The following GALNT17 variants were observed in gnomAD, a reference collection of about 807,000 sequenced individuals.
The protein encoded by GALNT17 is UDP-GalNAc:polypeptide N-acetylgalactosaminyltransferase-like 3.
GALNT17 carries 29 observed loss-of-function variants against 63.7 expected under a neutral mutation model. The ratio of observed to expected loss-of-function variants is 0.46; its 90% CI spans 0.34 to 0.62. The LOEUF (loss-of-function observed/expected upper bound fraction) is 0.62, where lower values mean the gene tolerates loss of function less well. Among genes scored for constraint, GALNT17 ranks in the 20% least tolerant of loss-of-function variants. The pLI, the probability that GALNT17 is intolerant of heterozygous loss-of-function variation, is 0.01. For synonymous variants in GALNT17, 305 were observed against 318.3 expected, an observed-to-expected ratio of 0.96 and a Z score of 0.45; for missense variants, 603 against 799.6, an observed-to-expected ratio of 0.75 and a Z score of 2.97.
intron 9 of GALNT17, among the ~76,000 whole-genome samples, chr7:71,701,879 ATG>A (rs1418961158): frequency 2.4e-5 from 2 of 82,074 alleles, no homozygotes; most frequent in African/African-American, 8.5e-5. Context: ...ACATATATAT[ATG>A]TATATATATA....
At chr7:71,554,208 G>A (rs747115950) in intron 5 of GALNT17, among the ~76,000 whole-genome samples, 3 of 152,188 alleles carry the variant, frequency 2.0e-5, no homozygotes, top group African/African-American at 4.8e-5. Flanking sequence ...CCTGTGTGTC[G>A]TGGGAGGGAC....
chr7:71,477,804 G>A (rs1787749721), intron 5 of GALNT17, among the ~76,000 whole-genome samples: 1 of 152,206 alleles, frequency 6.6e-6, no homozygotes, highest in Non-Finnish European at 1.5e-5. Flanking sequence ...TGCCTCTGGT[G>A]CCTAAGCCCA....
At chr7:71,658,425 G>A (rs552533183) in intron 6 of GALNT17, among the ~76,000 whole-genome samples, 1 of 152,316 alleles carries the variant, frequency 6.6e-6, no homozygotes, top group Non-Finnish European at 1.5e-5. Flanking sequence ...AGAGTCTTGT[G>A]ATGGTTTCTT....
chr7:71,535,372 C>T (rs1378778885), intron 5 of GALNT17, among the ~76,000 whole-genome samples: 1 of 152,134 alleles, frequency 6.6e-6, no homozygotes, highest in South Asian at 2.1e-4. Flanking sequence ...GCTGCATCTG[C>T]CTTCTGGATC....
intron 1 of GALNT17, among the ~76,000 whole-genome samples, chr7:71,297,059 C>G (rs1791094823): frequency 6.6e-6 from 1 of 152,202 alleles, no homozygotes; most frequent in Non-Finnish European, 1.5e-5. Flanking sequence ...TTGCTTAAGC[C>G]TTTTCTTAAG....
chr7:71,551,217 T>C (rs1041564641), intron 5 of GALNT17, among the ~76,000 whole-genome samples: 2 of 152,204 alleles, frequency 1.3e-5, no homozygotes, highest in Non-Finnish European at 2.9e-5. Context: ...TAATGCTCTC[T>C]TCAGCTGTGT....
chr7:71,346,614 G>A (rs17367019), intron 2 of GALNT17, among the ~76,000 whole-genome samples: 2,158 of 152,106 alleles, frequency 0.014, 26 homozygotes, highest in Middle Eastern at 0.027. Flanking sequence ...GTCTGTGGAC[G>A]TCCCCACATC....
intron 1 of GALNT17, among the ~76,000 whole-genome samples, chr7:71,230,827 A>G (rs558994817): frequency 2.2e-4 from 34 of 152,258 alleles, no homozygotes; most frequent in African/African-American, 8.2e-4. Flanking sequence ...GATAGAGCAC[A>G]TGAGACAGTG....
intron 8 of GALNT17, among the ~76,000 whole-genome samples, chr7:71,673,091 T>G (rs1306239867): frequency 6.6e-6 from 1 of 152,126 alleles, no homozygotes; most frequent in African/African-American, 2.4e-5. Flanking sequence ...AAAAATCATA[T>G]CTTCTGTGAG....
intron 2 of GALNT17, among the ~76,000 whole-genome samples, chr7:71,353,180 G>A (rs138406506): frequency 6.6e-6 from 1 of 151,980 alleles, no homozygotes; most frequent in Admixed American, 6.6e-5. Context: ...AAAGTTGCAA[G>A]AATACTACAA....
intron 9 of GALNT17, among the ~76,000 whole-genome samples, chr7:71,680,487 CCTCCCTCCCTCT>C (rs1385491584): frequency 4.3e-3 from 383 of 89,296 alleles, no homozygotes; most frequent in African/African-American, 6.7e-3. Context: ...TCTCTCCCTT[CCTCCCTCCCTCT>C]CTCCCTTCCT....
At chr7:71,613,651 G>C (rs934812288) in intron 6 of GALNT17, among the ~76,000 whole-genome samples, 2 of 152,066 alleles carry the variant, frequency 1.3e-5, no homozygotes, top group African/African-American at 4.8e-5. Context: ...CTCTGTCTTT[G>C]TTGGCTCCAG....
At chr7:71,491,831 A>G (rs555229748) in intron 5 of GALNT17, among the ~76,000 whole-genome samples, 67 of 152,282 alleles carry the variant, frequency 4.4e-4, no homozygotes, top group Admixed American at 2.7e-3. Flanking sequence ...GCACTGTCCT[A>G]CGGAAATTCA....
intron 1 of GALNT17, among the ~76,000 whole-genome samples, chr7:71,142,008 T>G: frequency 2.8e-5 from 2 of 71,514 alleles, no homozygotes; most frequent in African/African-American, 7.3e-5. Flanking sequence ...GCCACCACAT[T>G]TGGCTGTGTG....
intron 1 of GALNT17, among the ~76,000 whole-genome samples, chr7:71,299,134 A>G (rs1583840888): frequency 6.6e-6 from 1 of 152,226 alleles, no homozygotes; most frequent in Non-Finnish European, 1.5e-5. Flanking sequence ...CCCTCATTCT[A>G]CAGGTGAGAT....
At position 71,207,288 on chromosome 7, in the gene GALNT17, G is replaced by C. The variant is rs183705089; in HGVS notation, c.238+74248G>C. Among the ~76,000 whole-genome samples, 364 of 152,238 alleles carry C rather than the reference G, an allele frequency of 2.4e-3. 4 individuals carry two copies. The highest frequency in any genetic ancestry group is 8.2e-3 in the African/African-American group (339 of 41,550). On this transcript the variant is annotated intron_variant, in intron 1 of 10. Coordinates refer to ENST00000333538, the MANE Select transcript of GALNT17 (RefSeq NM_022479.3). ...TCAATGGCCTTCTCATCTTTGACTT[G>C]TAAGTTTAAACCATGTCCCTTCGTT...
At chr7:71,291,955 A>G (rs998796464) in intron 1 of GALNT17, among the ~76,000 whole-genome samples, 2 of 152,058 alleles carry the variant, frequency 1.3e-5, no homozygotes, top group African/African-American at 2.4e-5. Flanking sequence ...AACTGTTTCA[A>G]CAGAGTGGTT....
chr7:71,464,595 C>A (rs1315261297), intron 5 of GALNT17, among the ~76,000 whole-genome samples: 2 of 152,140 alleles, frequency 1.3e-5, no homozygotes, highest in Admixed American at 1.3e-4. Flanking sequence ...CAGATATTTG[C>A]TGGGAAAGTG....
chr7:71,567,227 T>G (rs1489475218), intron 5 of GALNT17, among the ~76,000 whole-genome samples: 1 of 152,136 alleles, frequency 6.6e-6, no homozygotes. Flanking sequence ...GAGGAAATGA[T>G]GCACATTAGA....
Sources: gnomAD v4.1 joint callset for allele counts (sites outside exome capture counted in the v4.1 genomes callset) on GRCh38, gnomAD v4.1.1 for gene constraint, MANE v1.5 for transcripts, NCBI Gene and HGNC (gene_info 2026-07-23, HGNC 2026-07-21) for gene names.